The following ABL1 variants were observed in gnomAD, a reference collection of about 807,000 sequenced individuals.
ABL1 encodes the protein ABL proto-oncogene 1, non-receptor tyrosine kinase, also known as tyrosine-protein kinase ABL1.
In ABL1, 11 loss-of-function variants were observed where a neutral mutation model predicts 94.7. The ratio of observed to expected loss-of-function variants is 0.12; its 90% CI spans 0.07 to 0.19. The LOEUF is 0.19. Among genes scored for constraint, ABL1 ranks in the 10% least tolerant of loss-of-function variants. ABL1 has a pLI of 1.00. For missense variants in ABL1, 1,082 were observed against 1,489.4 expected, an observed-to-expected ratio of 0.73 and a Z score of 4.50; for synonymous variants, 656 against 622.4, an observed-to-expected ratio of 1.05 and a Z score of -0.80.
In ABL1 at chr9:130,751,203, G is replaced by A. The variant is rs144624401; in HGVS notation, c.136+36748G>A. On this transcript the variant is annotated intron_variant, in intron 1 of 10. Coordinates refer to the ABL1 transcript ENST00000372348. ...GTTGCCCAGGCTGGAGTACAGTGGCGCGATCTCGGCTCACTGCAACCTCTG... is the reference window on the plus strand; with the variant it reads ...GTTGCCCAGGCTGGAGTACAGTGGCACGATCTCGGCTCACTGCAACCTCTG... 8.5e-3 allele frequency among the ~76,000 whole-genome samples: 1,030 copies of A among 121,148 alleles called. 13 individuals carry two copies. Among genetic ancestry groups the A allele is most frequent in the African/African-American group, 0.03 (951 of 31,454 alleles). The allele number at this position is 121,148 out of a possible 152,430, so 79.5% of individuals were successfully genotyped here.
intron 1 of ABL1, among the ~76,000 whole-genome samples, chr9:130,772,034 A>G (rs1413760223): frequency 6.6e-6 from 1 of 152,176 alleles, no homozygotes; most frequent in Non-Finnish European, 1.5e-5. Flanking sequence ...GATTACAGGC[A>G]TGAGCCACTG....
At chr9:130,865,151 C>G (rs773038013) in intron 4 of ABL1, among the ~76,000 whole-genome samples, 18 of 152,172 alleles carry the variant, frequency 1.2e-4, no homozygotes, top group Non-Finnish European at 2.5e-4. Context: ...TGTTACTCTG[C>G]TTTTAATTAT....
chr9:130,854,361 A>G lies in ABL1; in HGVS notation c.253+124A>G, dbSNP rs34844180. On this transcript the variant is annotated intron_variant, in intron 2 of 10. Transcript: ENST00000318560. ...GAAATCTGGACTGCAGGGATATCCA[A>G]AACAACAACTGCATGTTTCTAAGGG... is the stretch of plus-strand genomic sequence containing the variant. 1.8e-3 allele frequency: 1,991 copies of G among 1,096,626 alleles called. 31 individuals are homozygous for G. The African/African-American group carries it at 0.025, about 14-fold the overall frequency. 67.9% of individuals were successfully genotyped at this position (1,096,626 alleles called of 1,614,324 possible).
rs750328519 is a variant in ABL1 at position 130,885,687 on chromosome 9, C to T, written c.*4C>T. 3.7e-6 allele frequency: 6 copies of T among 1,605,776 alleles called. No homozygotes were observed. The East Asian group carries it at 6.7e-5, about 18-fold the overall frequency. On this transcript the variant is annotated 3_prime_UTR_variant, in exon 11 of 11. Transcript: ENST00000318560. ...CAGTGACATAGTGCAGAGGTAGCAG[C>T]AGTCAGGGGTCAGGTGTCAGGCCCG...
At chr9:130,782,579 T>G (rs1175980026) in intron 1 of ABL1, among the ~76,000 whole-genome samples, 1 of 152,334 alleles carries the variant, frequency 6.6e-6, no homozygotes, top group South Asian at 2.1e-4. Flanking sequence ...TCTGAAGCTT[T>G]GGCTCCCACA....
chr9:130,852,577 A>G (rs1830887367), intron 1 of ABL1, among the ~76,000 whole-genome samples: 2 of 152,142 alleles, frequency 1.3e-5, no homozygotes, highest in South Asian at 2.1e-4. Flanking sequence ...ATGTTCTTCA[A>G]CTGTAAGATC....
intron 1 of ABL1, among the ~76,000 whole-genome samples, chr9:130,838,794 G>A (rs1830626439): frequency 6.6e-6 from 1 of 152,194 alleles, no homozygotes; most frequent in African/African-American, 2.4e-5. Context: ...ATTTGTTCAT[G>A]TGTTTGTATT....
In ABL1 at chr9:130,863,156, C is replaced by A. The variant is rs568116872; in HGVS notation, c.822+121C>A. On this transcript the variant is annotated intron_variant, in intron 4 of 10. Coordinates refer to ENST00000318560, the MANE Select transcript of ABL1 (RefSeq NM_005157.6). The surrounding 1 kb of genome is among the most constrained non-coding windows in gnomAD (Gnocchi z 4.3). ...CTGTCCGAGGGCTTCATTGGCGCCA[C>A]GGAATTGACTTTTCCGTCTTATATC... 2 of 1,181,184 alleles carry A rather than the reference C, an allele frequency of 1.7e-6. No homozygotes were observed. The highest frequency in any genetic ancestry group is 1.5e-5 in the African/African-American group (1 of 64,614). The allele number at this position is 1,181,184 out of a possible 1,614,324, so 73.2% of individuals were successfully genotyped here. A position where few individuals can be genotyped will look rare whatever the true frequency, so the allele number is the denominator to read the frequency against.
chr9:130,753,778 C>G (rs1213573676), intron 1 of ABL1, among the ~76,000 whole-genome samples: 1 of 152,036 alleles, frequency 6.6e-6, no homozygotes, highest in Non-Finnish European at 1.5e-5. Flanking sequence ...ACCCCGGCAC[C>G]TAGTATCATG....
chr9:130,732,005 A>C (rs1319185963), intron 1 of ABL1, among the ~76,000 whole-genome samples: 1 of 148,748 alleles, frequency 6.7e-6, no homozygotes. Flanking sequence ...TTTCCAATTC[A>C]CCTTTCTCTA....
rs60206110 is a variant in ABL1, at chr9:130,751,129, CTTTTTTTTTTTTTT to C, written c.136+36691_136+36704del. Among the ~76,000 whole-genome samples, 27 of 57,486 alleles carry C rather than the reference CTTTTTTTTTTTTTT, an allele frequency of 4.7e-4. 1 individual carries two copies. The highest frequency in any genetic ancestry group is 1.4e-3 in the East Asian group (2 of 1,452). 37.7% of individuals were successfully genotyped at this position (57,486 alleles called of 152,430 possible). A position where few individuals can be genotyped will look rare whatever the true frequency, so the allele number is the denominator to read the frequency against. On this transcript the variant is annotated intron_variant, in intron 1 of 10. Transcript: ENST00000372348. ...TTTGAAACTTGTTTTTTTTATTCAGCTTTTTTTTTTTTTTTTTTTTTTTTTTTTTTGAGATGGAG... is the reference window on the plus strand; with the variant it reads ...TTTGAAACTTGTTTTTTTTATTCAGCTTTTTTTTTTTTTTTTGAGATGGAG...
intron 1 of ABL1, among the ~76,000 whole-genome samples, chr9:130,818,395 T>C (rs1414531099): frequency 6.6e-6 from 1 of 152,106 alleles, no homozygotes; most frequent in Non-Finnish European, 1.5e-5. Context: ...ACTTGAACCC[T>C]GGAGGAAGAG....
At chr9:130,771,298 T>G (rs1289744105) in intron 1 of ABL1, among the ~76,000 whole-genome samples, 1 of 151,614 alleles carries the variant, frequency 6.6e-6, no homozygotes, top group Non-Finnish European at 1.5e-5. Context: ...TTGCCCAGGC[T>G]GGTCTTGAAC....
rs539702402 is a variant in ABL1 at position 130,870,544 on chromosome 9, G to A, written c.823-1585G>A. ...ATTGAATCCCCGGATACTGGCAGGC[G>A]TTCACTGTCCAGCCTTTGACATTAG... On this transcript the variant is annotated intron_variant, in intron 4 of 10. Coordinates refer to ENST00000318560, the MANE Select transcript of ABL1 (RefSeq NM_005157.6). Among the ~76,000 whole-genome samples, 18 of 152,272 alleles carry A rather than the reference G, an allele frequency of 1.2e-4. No individual in the cohort carries two copies. In the East Asian group the frequency reaches 2.5e-3, roughly 21 times the overall value.
At chr9:130,779,658 T>C (rs1309296338) in intron 1 of ABL1, among the ~76,000 whole-genome samples, 2 of 152,150 alleles carry the variant, frequency 1.3e-5, no homozygotes, top group Non-Finnish European at 2.9e-5. Context: ...ATGCCTTGAC[T>C]AAACAAACAA....
intron 1 of ABL1, among the ~76,000 whole-genome samples, chr9:130,743,064 A>C (rs138138516): frequency 2.3e-3 from 344 of 152,268 alleles, no homozygotes; most frequent in African/African-American, 7.9e-3. Flanking sequence ...TTAACATCTT[A>C]CACTAAAGTT....
At chr9:130,830,857 A>C (rs2515714), upstream of ABL1, among the ~76,000 whole-genome samples, 12,764 of 152,234 alleles carry the variant, frequency 0.084, 686 homozygotes, top group African/African-American at 0.14. Context: ...CCATGGCCCC[A>C]CAGTGAGTGG....
intron 1 of ABL1, among the ~76,000 whole-genome samples, chr9:130,781,036 G>A (rs1161523116): frequency 6.6e-6 from 1 of 152,156 alleles, no homozygotes; most frequent in African/African-American, 2.4e-5. Context: ...TTGAAGTTGT[G>A]CAGAGAACCT....
intron 1 of ABL1, among the ~76,000 whole-genome samples, chr9:130,746,215 T>C (rs1001612363): frequency 1.2e-5 from 1 of 83,184 alleles, no homozygotes; most frequent in African/African-American, 6.6e-5. Flanking sequence ...TTTCAAGAAT[T>C]TAATGCGTTT....
Sources: gnomAD v4.1 joint callset for allele counts (sites outside exome capture counted in the v4.1 genomes callset) on GRCh38, gnomAD v4.1.1 for gene constraint, Gnocchi (gnomAD v3.1) non-coding constraint, MANE v1.5 for transcripts, NCBI Gene and HGNC (gene_info 2026-07-23, HGNC 2026-07-21) for gene names.